The following CELF3 variants were observed in gnomAD, a reference collection of about 807,000 sequenced individuals.
CELF3 encodes CUGBP Elav-like family member 3.
A neutral mutation model predicts 59.6 loss-of-function variants in CELF3; 26 were observed. The ratio of observed to expected loss-of-function variants is 0.44; its 90% CI spans 0.32 to 0.61. The LOEUF is 0.61. CELF3 is among the 20% of genes least tolerant of loss of function. The pLI is 0.06. For synonymous variants in CELF3, 245 were observed against 250.7 expected, an observed-to-expected ratio of 0.98 and a Z score of 0.22; for missense variants, 387 against 627.2, an observed-to-expected ratio of 0.62 and a Z score of 4.09.
Position 151,703,223 on chromosome 1 carries a change from C to G in CELF3, c.*236G>C, listed in dbSNP as rs981584953. 5 of 457,922 alleles carry G rather than the reference C, an allele frequency of 1.1e-5. No homozygotes were observed. Among genetic ancestry groups the G allele is most frequent in the Non-Finnish European group, 4.4e-6 (1 of 227,814 alleles). The allele number at this position is 457,922 out of a possible 1,614,324, so 28.4% of individuals were successfully genotyped here. On this transcript the variant is annotated 3_prime_UTR_variant, in exon 13 of 13. Coordinates refer to ENST00000290583, the MANE Select transcript of CELF3 (RefSeq NM_007185.7). Reference sequence around the variant, plus strand: ...CCTGTTCCTCGCTCCCTCACAAAGGCCAAAAGGGCATCTAGGAGGAAATGG... The same window carrying G: ...CCTGTTCCTCGCTCCCTCACAAAGGGCAAAAGGGCATCTAGGAGGAAATGG...
intron 8 of CELF3, 24 bp downstream of exon 8, chr1:151,707,121 G>A: frequency 6.8e-7 from 1 of 1,460,982 alleles, no homozygotes; most frequent in Non-Finnish European, 9.0e-7. Flanking sequence ...TGCTGGGACG[G>A]AGTGGGCAGG....
rs779663617 is a variant in CELF3, at chr1:151,709,201, G to A, written c.406+19C>T. 3 of 1,612,332 alleles carry A rather than the reference G, an allele frequency of 1.9e-6. No homozygotes were observed. Among genetic ancestry groups the A allele is most frequent in the Admixed American group, 1.7e-5 (1 of 59,998 alleles). On this transcript the variant is annotated intron_variant, in intron 4 of 12. Coordinates refer to ENST00000290583, the MANE Select transcript of CELF3 (RefSeq NM_007185.7). The surrounding 1 kb of genome is among the most constrained non-coding windows in gnomAD (Gnocchi z 4.9). ...GAAGGGGAAGGGCCCGGTGGGGAAG[G>A]GGGAAGTGGGTGGACTACCTTTGCT...
intron 12 of CELF3, 56 bp from the exon 13 acceptor site, chr1:151,703,504 C>G: frequency 1.0e-5 from 3 of 290,084 alleles, no homozygotes; most frequent in South Asian, 5.9e-5. Context: ...ATGCGGATCA[C>G]GGGCTCTGGG....
At chr1:151,708,952 G>A in intron 5 of CELF3, 46 bp downstream of exon 5, 1 of 1,556,814 alleles carries the variant, frequency 6.4e-7, no homozygotes, top group Non-Finnish European at 8.8e-7. Context: ...CTGGCAGGTG[G>A]GCAGGGTGGG....
At chr1:151,704,911 A>C (rs1461479865) in intron 12 of CELF3, 120 bp downstream of exon 12, 4 of 1,124,078 alleles carry the variant, frequency 3.6e-6, no homozygotes, top group Non-Finnish European at 5.0e-6. Flanking sequence ...CCCAGGGTCA[A>C]GGGTGGGGTG....
At position 151,705,613 on chromosome 1, in the gene CELF3, A is replaced by AT. The variant is rs1672440489; in HGVS notation, c.1270+208_1270+209insA. Reference sequence around the variant, plus strand: ...GACCTCATGGGACATGAATTTGGCCAGTTTTTAAGAGAAACGCTGAAGGAA... The same window carrying AT: ...GACCTCATGGGACATGAATTTGGCCATGTTTTTAAGAGAAACGCTGAAGGAA... On this transcript the variant is annotated intron_variant, in intron 11 of 12. Coordinates refer to ENST00000290583, the MANE Select transcript of CELF3 (RefSeq NM_007185.7). This position sits in a 1 kb window ranked among gnomAD's most constrained non-coding sequence, Gnocchi z 5.1. Among the ~76,000 whole-genome samples the AT allele has an allele frequency of 1.3e-5, 2 of 152,188 alleles. No homozygotes were observed. The highest frequency in any genetic ancestry group is 6.5e-5 in the Admixed American group (1 of 15,288).
In CELF3 at chr1:151,709,093, T is replaced by C. The variant is rs754658005; in HGVS notation, c.407-16A>G. On this transcript the variant is annotated splice_polypyrimidine_tract_variant and intron_variant, in intron 4 of 12. Transcript: ENST00000290583. The surrounding 1 kb of genome is among the most constrained non-coding windows in gnomAD (Gnocchi z 4.9). ...AAGGCGCAGCCTGGAGAGGTTGAGATGGAGGAGGAGAGGGGTAAGCACCCA... is the reference window on the plus strand; with the variant it reads ...AAGGCGCAGCCTGGAGAGGTTGAGACGGAGGAGGAGAGGGGTAAGCACCCA... The C allele has an allele frequency of 6.8e-6, 11 of 1,612,264 alleles. No homozygotes were observed. Among genetic ancestry groups the C allele is most frequent in the Non-Finnish European group, 5.9e-6 (7 of 1,179,176 alleles).
chr1:151,707,983 T>A (rs1483567901), intron 5 of CELF3, 48 bp from the exon 6 acceptor site: 7 of 1,564,596 alleles, frequency 4.5e-6, no homozygotes, highest in Admixed American at 1.7e-5. Context: ...TCAGGGTCTC[T>A]CCTCCCCAAA....
In CELF3 at chr1:151,707,288, C is replaced by A; in HGVS notation, c.779G>T (p.Ser260Ile). 1 of 1,569,314 alleles carries A rather than the reference C, an allele frequency of 6.4e-7. No individual in the cohort carries two copies. The highest frequency in any genetic ancestry group is 8.6e-7 in the Non-Finnish European group (1 of 1,159,150). Reference sequence around the variant, plus strand: ...CGTGGCAGCGATGGCAGGAGGGGTGCTGGTTCCTGGGGAGGAGAAAGCGAC... The same window carrying A: ...CGTGGCAGCGATGGCAGGAGGGGTGATGGTTCCTGGGGAGGAGAAAGCGAC... Reference protein sequence around the residue: ...ATPITPSSGTSTPPAIAATPV... With the variant: ...ATPITPSSGTITPPAIAATPV... The change falls in exon 8 of 13, where the codon AGC (serine) becomes ATC (isoleucine). Residue 260 changes from serine to isoleucine, a missense_variant. Physicochemically the swap from Ser to Ile is moderately radical, Grantham distance 142 (BLOSUM62 -2). Transcript: ENST00000290583.
At chr1:151,703,687 A>T (rs1340383162) in intron 12 of CELF3, among the ~76,000 whole-genome samples, 1 of 152,188 alleles carries the variant, frequency 6.6e-6, no homozygotes, top group Non-Finnish European at 1.5e-5. Context: ...AAACGGTATT[A>T]GGAAGGAAAT....
intron 8 of CELF3, 129 bp from the exon 9 acceptor site, chr1:151,706,863 T>C: frequency 1.3e-6 from 1 of 744,400 alleles, no homozygotes; most frequent in Admixed American, 3.0e-5. Flanking sequence ...GGGTGTGAAG[T>C]GAGAAGGCAG....
chr1:151,710,394 T>C (rs1168194710), intron 2 of CELF3: 1 of 294,170 alleles, frequency 3.4e-6, no homozygotes, highest in Non-Finnish European at 6.8e-6. Flanking sequence ...CTCAGCCTGA[T>C]TTATCCGTCC....
At chr1:151,715,611 C>A (rs1673412645) in intron 1 of CELF3, 1 of 1,453,296 alleles carries the variant, frequency 6.9e-7, no homozygotes, top group Admixed American at 2.1e-5. Flanking sequence ...CCCATGACAT[C>A]AACACACCCA....
chr1:151,707,145 C>T lies in CELF3; in HGVS notation c.922G>A (p.Ala308Thr). The T allele has an allele frequency of 6.7e-7, 1 of 1,487,864 alleles. No individual in the cohort carries two copies. The highest frequency in any genetic ancestry group is 8.9e-7 in the Non-Finnish European group (1 of 1,122,382). The allele number at this position is 1,487,864 out of a possible 1,614,324, so 92.2% of individuals were successfully genotyped here. Residue 308 changes from alanine to threonine, a missense_variant and splice_region_variant, in exon 8 of 13, where the codon GCC (alanine) becomes ACC (threonine). Physicochemically the swap from Ala to Thr is moderately conservative, Grantham distance 58 (BLOSUM62 0). Coordinates refer to ENST00000290583, the MANE Select transcript of CELF3 (RefSeq NM_007185.7). ...LYPNGVHPYP[A>T]QSPAAPVDPL... ...GGAGTGGGCAGGCAGAGAGTCCCAC[C>T]TGGGTAGGGGTGAACCCCGTTGGGA...
In CELF3 at chr1:151,706,736, T is replaced by G; in HGVS notation, c.923-2A>C. 1 of 1,548,140 alleles carries G rather than the reference T, an allele frequency of 6.5e-7. No homozygotes were observed. The highest frequency in any genetic ancestry group is 8.7e-7 in the Non-Finnish European group (1 of 1,145,062). ...CCACGGGGGCCGCGGGGCTCTGGGC[T>G]GGGGAGAGCAGCACAGACTATGAGC... is the stretch of plus-strand genomic sequence containing the variant. On this transcript the variant is annotated splice_acceptor_variant, in intron 8 of 12. Coordinates refer to ENST00000290583, the MANE Select transcript of CELF3 (RefSeq NM_007185.7). LOFTEE classifies it high-confidence loss of function.
At chr1:151,711,071 T>C (rs925545076) in intron 2 of CELF3, 2 of 349,074 alleles carry the variant, frequency 5.7e-6, no homozygotes, top group Non-Finnish European at 1.1e-5. Context: ...GGAAAGGTAC[T>C]GGACTGGGAG....
intron 8 of CELF3, 34 bp from the exon 9 acceptor site, chr1:151,706,768 C>T: frequency 2.0e-6 from 3 of 1,498,598 alleles, no homozygotes; most frequent in South Asian, 1.3e-5. Context: ...GAGCGTGGAC[C>T]TGGCACACAG....
Position 151,702,994 on chromosome 1 carries a change from TGA to T in CELF3, c.*463_*464del. 3.0e-6 allele frequency: 1 copy of T among 335,676 alleles called. No individual in the cohort carries two copies. The highest frequency in any genetic ancestry group is 2.3e-5 in the South Asian group (1 of 44,042). 20.8% of individuals were successfully genotyped at this position (335,676 alleles called of 1,614,324 possible). A position where few individuals can be genotyped will look rare whatever the true frequency, so the allele number is the denominator to read the frequency against. On this transcript the variant is annotated 3_prime_UTR_variant, in exon 13 of 13. Coordinates refer to ENST00000290583, the MANE Select transcript of CELF3 (RefSeq NM_007185.7). ...ACCTCTAGCTGAGGGTGGAGGGGAG[TGA>T]GAGCCAGCTTCCAAGAAACCCCTAA...
intron 2 of CELF3, 198 bp downstream of exon 2, chr1:151,714,396 A>G (rs902405103): frequency 1.6e-6 from 1 of 645,118 alleles, no homozygotes; most frequent in Non-Finnish European, 2.8e-6. Flanking sequence ...TTACGCCACT[A>G]ATCGCTGCTT....
Sources: gnomAD v4.1 joint callset for allele counts (sites outside exome capture counted in the v4.1 genomes callset) on GRCh38, gnomAD v4.1.1 for gene constraint, Gnocchi (gnomAD v3.1) non-coding constraint, MANE v1.5 for transcripts, NCBI Gene and HGNC (gene_info 2026-07-23, HGNC 2026-07-21) for gene names.